The following ESPN variants were observed in gnomAD, a reference collection of about 807,000 sequenced individuals.
ESPN encodes the protein espin.
ESPN carries 68 observed loss-of-function variants against 77.7 expected under a neutral mutation model. The observed-to-expected ratio is 0.87, with a 90% CI of 0.72 to 1.07. ESPN has a LOEUF of 1.07. Among genes scored for constraint, ESPN ranks in the 50% least tolerant of loss-of-function variants. The probability of loss-of-function intolerance (pLI) is 0.00; values close to 1 mark genes in which losing one functional copy is unlikely to be tolerated. For missense variants in ESPN, 1,060 were observed against 1,239.0 expected, an observed-to-expected ratio of 0.86 and a Z score of 2.17; for synonymous variants, 449 against 567.1, an observed-to-expected ratio of 0.79 and a Z score of 2.96.
chr1:6,452,898 T>TTTTTA (rs1553169578), intron 10 of ESPN, among the ~76,000 whole-genome samples: 4 of 136,886 alleles, frequency 2.9e-5, no homozygotes, highest in African/African-American at 1.5e-4. Flanking sequence ...TTTATTTTTA[T>TTTTTA]TTTTTATTTT....
chr1:6,444,756 T>C, intron 6 of ESPN, 74 bp downstream of exon 6: 1 of 1,569,044 alleles, frequency 6.4e-7, no homozygotes, highest in Non-Finnish European at 8.7e-7. Flanking sequence ...AGGATTGGCC[T>C]TGGGCCGCCC....
At chr1:6,438,187 G>T (rs1022828265) in intron 2 of ESPN, among the ~76,000 whole-genome samples, 4 of 152,208 alleles carry the variant, frequency 2.6e-5, no homozygotes, top group African/African-American at 9.7e-5. Context: ...TCTGGGGATA[G>T]ATTGTGGCTC....
chr1:6,435,281 A>G (rs369857577), intron 2 of ESPN, among the ~76,000 whole-genome samples: 1 of 152,092 alleles, frequency 6.6e-6, no homozygotes, highest in East Asian at 1.9e-4. Context: ...CTGGGGAGGC[A>G]TGACTGGCAG....
At position 6,441,049 on chromosome 1, in the gene ESPN, G is replaced by C; in HGVS notation, c.974G>C (p.Arg325Pro). ...NGHSHCTRYL[R>P]TVENLSVEHR... ...CACAGCCACTGCACCCGCTACCTGC[G>C]CACGGTGGAGAACCTGGTACGATCC... The change falls in exon 5 of 13, where the codon CGC becomes CCC. Residue 325 changes from arginine (R) to proline (P), a missense_variant. Arg to Pro is a moderately radical substitution (Grantham distance 103). Coordinates refer to ENST00000645284, the MANE Select transcript of ESPN (RefSeq NM_031475.3). 6.2e-7 allele frequency: 1 copy of C among 1,611,288 alleles called. No homozygotes were observed. The highest frequency in any genetic ancestry group is 8.5e-7 in the Non-Finnish European group (1 of 1,179,506).
chr1:6,456,850 G>A (rs1410035425), intron 10 of ESPN, among the ~76,000 whole-genome samples: 3 of 152,180 alleles, frequency 2.0e-5, no homozygotes, highest in African/African-American at 4.8e-5. Flanking sequence ...TGGCATCTGC[G>A]TCTGCCCAGA....
rs1472100940 is a variant in ESPN, at chr1:6,440,475, C to T, written c.675+35C>T. On this transcript the variant is annotated intron_variant, in intron 3 of 12. Transcript: ENST00000645284. ...GGGCCCGGGCGGGGAGCAGGGGAGGCGGGGCGGAGCCGGCAGGGCGGGGAG... is the reference window on the plus strand; with the variant it reads ...GGGCCCGGGCGGGGAGCAGGGGAGGTGGGGCGGAGCCGGCAGGGCGGGGAG... 7 of 1,434,910 alleles carry T rather than the reference C, an allele frequency of 4.9e-6. No homozygotes were observed. The African/African-American group carries it at 7.5e-5, about 15-fold the overall frequency. 88.9% of individuals were successfully genotyped at this position (1,434,910 alleles called of 1,614,324 possible). A position where few individuals can be genotyped will look rare whatever the true frequency, so the allele number is the denominator to read the frequency against.
chr1:6,440,489 C>T, intron 3 of ESPN, 49 bp downstream of exon 3: 1 of 1,240,376 alleles, frequency 8.1e-7, no homozygotes, highest in Non-Finnish European at 1.0e-6. Flanking sequence ...GCGGAGCCGG[C>T]AGGGCGGGGA....
rs1472574286 is a variant in ESPN, at chr1:6,428,659, C to T, written c.488+240C>T. 3.3e-5 allele frequency among the ~76,000 whole-genome samples: 5 copies of T among 152,228 alleles called. No homozygotes were observed. The highest frequency in any genetic ancestry group is 7.3e-5 in the Non-Finnish European group (5 of 68,038). On this transcript the variant is annotated intron_variant, in intron 2 of 12. Transcript: ENST00000645284. This position sits in a 1 kb window ranked among gnomAD's most constrained non-coding sequence, Gnocchi z 5.4. ...AAGCAGGTGCTCCCAGCATCCTCAG[C>T]TGCCCGGCCGCACACAGCTGGACCT...
At chr1:6,433,444 A>T (rs1643323590) in intron 2 of ESPN, among the ~76,000 whole-genome samples, 1 of 151,998 alleles carries the variant, frequency 6.6e-6, no homozygotes, top group South Asian at 2.1e-4. Flanking sequence ...ACTCCATCTC[A>T]GGAGGAAAAA....
At chr1:6,429,142 G>T (rs1643150281) in intron 2 of ESPN, among the ~76,000 whole-genome samples, 1 of 151,986 alleles carries the variant, frequency 6.6e-6, no homozygotes. Context: ...TGCGCCTGGG[G>T]AGGCAGGGAT....
intron 5 of ESPN, 117 bp from the exon 6 acceptor site, chr1:6,444,364 A>G (rs1271648379): frequency 2.1e-6 from 2 of 942,152 alleles, no homozygotes; most frequent in Non-Finnish European, 1.7e-6. Flanking sequence ...GACCCCAGAG[A>G]GCGGTGTGGC....
intron 1 of ESPN, among the ~76,000 whole-genome samples, chr1:6,426,778 T>G (rs1296730198): frequency 1.3e-5 from 2 of 152,094 alleles, no homozygotes; most frequent in Non-Finnish European, 2.9e-5. Flanking sequence ...TCTGCCTGGG[T>G]GCCCGCTAGC....
chr1:6,431,323 C>T (rs1226021361), intron 2 of ESPN, among the ~76,000 whole-genome samples: 4 of 152,130 alleles, frequency 2.6e-5, no homozygotes, highest in Non-Finnish European at 5.9e-5. Flanking sequence ...TGGAAAGTAC[C>T]TGGGGCTGGG....
chr1:6,439,864 C>T (rs1173417449), intron 2 of ESPN, among the ~76,000 whole-genome samples: 1 of 152,142 alleles, frequency 6.6e-6, no homozygotes, highest in Non-Finnish European at 1.5e-5. Context: ...AAAAAATTAG[C>T]GGGGCGTGGT....
intron 10 of ESPN, chr1:6,455,855 C>A (rs1644046192): frequency 2.5e-6 from 1 of 398,890 alleles, no homozygotes; most frequent in Non-Finnish European, 4.4e-6. Context: ...ACCGGTTCTT[C>A]GGAAACGGCC....
chr1:6,448,457 C>T, intron 7 of ESPN, 184 bp from the exon 8 acceptor site: 1 of 539,216 alleles, frequency 1.9e-6, no homozygotes, highest in Non-Finnish European at 3.2e-6. Context: ...TGCCCTTCCA[C>T]CGAGGCCCCC....
Position 6,450,673 on chromosome 1 carries a change from C to G in ESPN, c.1916-930C>G, listed in dbSNP as rs1001831486. 5.9e-5 allele frequency among the ~76,000 whole-genome samples: 9 copies of G among 152,164 alleles called. No homozygotes were observed. Among genetic ancestry groups the G allele is most frequent in the African/African-American group, 2.2e-4 (9 of 41,420 alleles). ...ACATATGCACCCAAGCATTCTGCACCTGGCTGATGGTTTTGCCTAAATAAA... is the reference window on the plus strand; with the variant it reads ...ACATATGCACCCAAGCATTCTGCACGTGGCTGATGGTTTTGCCTAAATAAA... On this transcript the variant is annotated intron_variant, in intron 8 of 12. Coordinates refer to ENST00000645284, the MANE Select transcript of ESPN (RefSeq NM_031475.3). The surrounding 1 kb of genome is among the most constrained non-coding windows in gnomAD (Gnocchi z 4.3).
chr1:6,427,224 C>A lies in ESPN; in HGVS notation c.295-1002C>A, dbSNP rs1643069147. Reference sequence around the variant, plus strand: ...GAAGTGTGTCCACTGCATCCTGCACCCAGAACCCTGCCCACCCCTCTGTCA... The same window carrying A: ...GAAGTGTGTCCACTGCATCCTGCACACAGAACCCTGCCCACCCCTCTGTCA... On this transcript the variant is annotated intron_variant, in intron 1 of 12. Transcript: ENST00000645284. The surrounding 1 kb of genome is among the most constrained non-coding windows in gnomAD (Gnocchi z 4.6). Among the ~76,000 whole-genome samples, 2 of 152,068 alleles carry A rather than the reference C, an allele frequency of 1.3e-5. No individual in the cohort carries two copies. Among genetic ancestry groups the A allele is most frequent in the African/African-American group, 2.4e-5 (1 of 41,384 alleles).
chr1:6,449,808 C>T (rs1643914360), intron 8 of ESPN, among the ~76,000 whole-genome samples: 1 of 152,182 alleles, frequency 6.6e-6, no homozygotes, highest in Non-Finnish European at 1.5e-5. Flanking sequence ...ACAGTGTCCC[C>T]CTGCCAGGAC....
Sources: allele counts gnomAD v4.1 joint callset (sites outside exome capture counted in the v4.1 genomes callset), GRCh38; gene constraint gnomAD v4.1.1; non-coding constraint Gnocchi (gnomAD v3.1); transcripts MANE v1.5; gene names NCBI Gene and HGNC (gene_info 2026-07-23, HGNC 2026-07-21).